The following HABP2 variants were observed in gnomAD, a reference collection of about 807,000 sequenced individuals.
HABP2 encodes hyaluronan binding protein 2.
A neutral mutation model predicts 66.5 loss-of-function variants in HABP2; 65 were observed. That is an observed-to-expected ratio of 0.98 (90% confidence interval 0.80 to 1.20). The LOEUF (loss-of-function observed/expected upper bound fraction) is 1.20. HABP2 is among the 50% of genes most tolerant of loss of function. The probability of loss-of-function intolerance (pLI) is 0.00; values close to 1 mark genes in which losing one functional copy is unlikely to be tolerated. For synonymous variants in HABP2, 263 were observed against 253.9 expected (o/e 1.04, Z -0.34); for missense variants, 786 against 691.0 (o/e 1.14, Z -1.54).
At position 113,583,313 on chromosome 10, in the gene HABP2, T is replaced by C; in HGVS notation, c.1192T>C (p.Tyr398His). The C allele has an allele frequency of 6.2e-7, 1 of 1,612,232 alleles. No individual in the cohort carries two copies. Among genetic ancestry groups the C allele is most frequent in the East Asian group, 2.2e-5 (1 of 44,882 alleles). Reference protein sequence around the residue: ...QSFRVEKIFKYSHYNERDEIP... With the variant: ...QSFRVEKIFKHSHYNERDEIP... ...CTTTAGGGTGGAGAAGATATTCAAG[T>C]ACAGCCACTACAATGAAAGAGATGA... is the stretch of plus-strand genomic sequence containing the variant. Residue 398 changes from tyrosine (Y) to histidine (H), a missense_variant, in exon 10 of 13, where the codon TAC (tyrosine) becomes CAC (histidine). By Grantham distance (83) the Tyr-to-His change is moderately conservative (BLOSUM62 2). Coordinates refer to ENST00000351270, the MANE Select transcript of HABP2 (RefSeq NM_004132.5).
At chr10:113,582,822 A>G (rs773121021) in intron 9 of HABP2, among the ~76,000 whole-genome samples, 2 of 152,218 alleles carry the variant, frequency 1.3e-5, no homozygotes, top group Non-Finnish European at 2.9e-5. Flanking sequence ...GGAGGTGGCC[A>G]TGAAGGTCTT....
chr10:113,577,906 G>T (rs1845441232), intron 5 of HABP2, 120 bp from the exon 6 acceptor site: 3 of 1,120,576 alleles, frequency 2.7e-6, no homozygotes, highest in African/African-American at 3.1e-5. Context: ...CCCATCTGGT[G>T]ACCCATCTTT....
At position 113,578,608 on chromosome 10, in the gene HABP2, GCTAC is replaced by G; in HGVS notation, c.569-16_569-13del. On this transcript the variant is annotated splice_polypyrimidine_tract_variant and intron_variant, in intron 6 of 12. Transcript: ENST00000351270. ...GCCAATGGCTGTTGGTTCTCACATT[GCTAC>G]CTGCTCTCTCGGAGGTTCTGATGAC... The G allele has an allele frequency of 1.3e-6, 2 of 1,595,396 alleles. No homozygotes were observed. Among genetic ancestry groups the G allele is most frequent in the Non-Finnish European group, 1.7e-6 (2 of 1,166,682 alleles).
chr10:113,585,461 TC>T (rs1271931963), intron 11 of HABP2, among the ~76,000 whole-genome samples: 1 of 152,202 alleles, frequency 6.6e-6, no homozygotes, highest in African/African-American at 2.4e-5. Flanking sequence ...ATCCATTCAT[TC>T]ACTAAGAATT....
At chr10:113,574,682 T>C (rs1220378504) in intron 3 of HABP2, among the ~76,000 whole-genome samples, 2 of 152,182 alleles carry the variant, frequency 1.3e-5, no homozygotes, top group Non-Finnish European at 2.9e-5. Flanking sequence ...AGCAAGTTAA[T>C]GCAGCATTGT....
intron 7 of HABP2, among the ~76,000 whole-genome samples, chr10:113,579,757 C>T (rs906520893): frequency 1.2e-4 from 18 of 149,782 alleles, no homozygotes; most frequent in African/African-American, 4.5e-4. Context: ...AGGATTTTTT[C>T]TTGTTTTTTT....
chr10:113,568,179 A>G (rs533842680), intron 2 of HABP2, among the ~76,000 whole-genome samples: 13 of 151,766 alleles, frequency 8.6e-5, no homozygotes, highest in African/African-American at 3.1e-4. Flanking sequence ...CACATCATGC[A>G]CTCCTAGTCC....
intron 12 of HABP2, among the ~76,000 whole-genome samples, 156 bp downstream of exon 12, chr10:113,586,094 G>T (rs1845628331): frequency 6.6e-6 from 1 of 152,166 alleles, no homozygotes; most frequent in South Asian, 2.1e-4. Flanking sequence ...CTGGCCCTCT[G>T]GTGCATCTGC....
intron 1 of HABP2, among the ~76,000 whole-genome samples, chr10:113,562,249 T>C (rs1028889270): frequency 2.0e-5 from 3 of 152,146 alleles, no homozygotes; most frequent in Non-Finnish European, 4.4e-5. Context: ...CTGTTGAAAC[T>C]AGGAATGGAT....
Position 113,588,237 on chromosome 10 carries a change from G to A in HABP2, c.1551G>A (p.Lys517=), listed in dbSNP as rs372586973. The A allele has an allele frequency of 1.4e-5, 23 of 1,612,880 alleles. No individual in the cohort carries two copies. Among genetic ancestry groups the A allele is most frequent in the Non-Finnish European group, 1.9e-5 (22 of 1,179,484 alleles). The part of the protein sequence containing the change: ...GDSGGPLTCE[K]DGTYYVYGIV... ...CTGGAGGCCCCCTGACCTGTGAGAA[G>A]GACGGCACCTACTACGTCTATGGGA... Residue 517 remains lysine (K), a synonymous_variant, in exon 13 of 13, where the codon AAG becomes AAA. Coordinates refer to ENST00000351270, the MANE Select transcript of HABP2 (RefSeq NM_004132.5).
rs369818153 is a variant in HABP2 at position 113,588,384 on chromosome 10, G to A, written c.*15G>A. 53 of 1,599,654 alleles carry A rather than the reference G, an allele frequency of 3.3e-5. No individual in the cohort carries two copies. Among genetic ancestry groups the A allele is most frequent in the Admixed American group, 6.8e-5 (4 of 59,076 alleles). On this transcript the variant is annotated 3_prime_UTR_variant, in exon 13 of 13. Transcript: ENST00000351270. ...GTGGCTTCTAAGGTACTGTCTTCTG[G>A]ACCTCAGAGCCCACTCTCCTTGGCA...
At position 113,578,818 on chromosome 10, in the gene HABP2, T is replaced by C. The variant is rs371542715; in HGVS notation, c.740+20T>C. On this transcript the variant is annotated intron_variant, in intron 7 of 12. Coordinates refer to ENST00000351270, the MANE Select transcript of HABP2 (RefSeq NM_004132.5). Reference sequence around the variant, plus strand: ...CTGCAGGTAACATTTACCTTATTTATGCTCAGTTGATTTTGGTCACTTATT... The same window carrying C: ...CTGCAGGTAACATTTACCTTATTTACGCTCAGTTGATTTTGGTCACTTATT... 1.3e-6 allele frequency: 2 copies of C among 1,545,660 alleles called. No individual in the cohort carries two copies. Among genetic ancestry groups the C allele is most frequent in the Non-Finnish European group, 1.8e-6 (2 of 1,119,784 alleles).
At chr10:113,573,187 G>T (rs535802637) in intron 2 of HABP2, among the ~76,000 whole-genome samples, 13 of 152,146 alleles carry the variant, frequency 8.5e-5, no homozygotes, top group Non-Finnish European at 1.6e-4. Flanking sequence ...AAGTCAACCT[G>T]ACTTTCTTCA....
chr10:113,585,752 TC>T, intron 11 of HABP2, 40 bp from the exon 12 acceptor site: 1 of 1,562,548 alleles, frequency 6.4e-7, no homozygotes, highest in Non-Finnish European at 8.8e-7. Flanking sequence ...GCCACCCTGG[TC>T]CCCACAGTAG....
At chr10:113,553,291 G>A (rs1160465436) in intron 1 of HABP2, 101 bp downstream of exon 1, 18 of 878,854 alleles carry the variant, frequency 2.0e-5, no homozygotes, top group Non-Finnish European at 3.2e-5. Flanking sequence ...GTGAAAGGCT[G>A]GAGTTGCCAA....
intron 2 of HABP2, among the ~76,000 whole-genome samples, chr10:113,567,730 G>C (rs3885656): frequency 6.6e-6 from 1 of 151,904 alleles, no homozygotes; most frequent in Non-Finnish European, 1.5e-5. Context: ...GGACACTGAT[G>C]AGCCCAGGCT....
At chr10:113,553,940 A>G (rs1844944848) in intron 1 of HABP2, among the ~76,000 whole-genome samples, 1 of 152,206 alleles carries the variant, frequency 6.6e-6, no homozygotes, top group Non-Finnish European at 1.5e-5. Flanking sequence ...AGGACCTTGC[A>G]CAGAAATAGA....
chr10:113,568,425 G>A (rs554872913), intron 2 of HABP2, among the ~76,000 whole-genome samples: 8 of 152,222 alleles, frequency 5.3e-5, no homozygotes, highest in Admixed American at 6.5e-5. Context: ...CAGTTTGACA[G>A]TCAATATTGT....
intron 3 of HABP2, among the ~76,000 whole-genome samples, chr10:113,575,522 G>C (rs1305191795): frequency 6.6e-6 from 1 of 152,142 alleles, no homozygotes; most frequent in Non-Finnish European, 1.5e-5. Context: ...GAGGTCTTCA[G>C]GCTTGTGAAA....
Sources: gnomAD v4.1 joint callset for allele counts (sites outside exome capture counted in the v4.1 genomes callset) on GRCh38, gnomAD v4.1.1 for gene constraint, MANE v1.5 for transcripts, NCBI Gene and HGNC (gene_info 2026-07-23, HGNC 2026-07-21) for gene names.